Variants in PHKA2 observed in about 807,000 individuals in gnomAD.
The protein encoded by PHKA2 is phosphorylase kinase regulatory subunit alpha 2.
Under a neutral mutation model 102.0 loss-of-function variants are expected in PHKA2, and 31 were observed. The observed-to-expected ratio is 0.30, with a 90% CI of 0.23 to 0.41. The LOEUF (loss-of-function observed/expected upper bound fraction) is 0.41, where lower values mean the gene tolerates loss of function less well. Ranked by LOEUF, PHKA2 falls within the 10% of genes least tolerant of loss-of-function variation. The pLI, the probability that PHKA2 is intolerant of heterozygous loss-of-function variation, is 1.00. For synonymous variants in PHKA2, 455 were observed against 416.2 expected (o/e 1.09, Z -1.13); for missense variants, 858 against 1,023.1 (o/e 0.84, Z 2.20).
chrX:18,916,880 T>TC (rs753876667), intron 19 of PHKA2, among the ~76,000 whole-genome samples: 1 of 110,119 alleles, frequency 9.1e-6, no homozygotes, highest in East Asian at 2.8e-4. Context: ...TAATACATTT[T>TC]TTTTTTTTTT....
intron 11 of PHKA2, among the ~76,000 whole-genome samples, chrX:18,935,512 C>T (rs1202966649): frequency 9.0e-6 from 1 of 111,607 alleles, no homozygotes; most frequent in African/African-American, 3.3e-5. Flanking sequence ...TGAAGGTCTT[C>T]AACTGCTGCC....
In PHKA2 at chrX:18,979,526, A is replaced by G. The variant is rs954093942; in HGVS notation, c.78+4329T>C. Among the ~76,000 whole-genome samples, 132 of 112,174 alleles carry G rather than the reference A, an allele frequency of 1.2e-3. 1 individual carries two copies. The highest frequency in any genetic ancestry group is 3.8e-3 in the African/African-American group (119 of 30,970). On this transcript the variant is annotated intron_variant, in intron 1 of 32. Coordinates refer to ENST00000379942, the MANE Select transcript of PHKA2 (RefSeq NM_000292.3). The stretch of plus-strand genomic sequence containing the variant: ...TTAGTGAAAAAAATGTACAAAGTTC[A>G]TATTTCTTACCTGAGCCAAAACAAT...
At chrX:18,966,729 C>A (rs1006545610) in intron 1 of PHKA2, among the ~76,000 whole-genome samples, 1 of 111,837 alleles carries the variant, frequency 8.9e-6, no homozygotes, top group African/African-American at 3.3e-5. Context: ...AAAGACCAGA[C>A]AACCACCTGT....
intron 8 of PHKA2, 39 bp from the exon 9 acceptor site, chrX:18,940,087 T>C (rs770477625): frequency 1.6e-5 from 16 of 1,013,513 alleles, no homozygotes; most frequent in Admixed American, 2.2e-5. Context: ...TCAGAGAAAT[T>C]TTTTTGCCTT....
intron 9 of PHKA2, among the ~76,000 whole-genome samples, chrX:18,939,598 T>A (rs971398102): frequency 3.6e-5 from 4 of 112,084 alleles, no homozygotes; most frequent in Admixed American, 2.8e-4. Context: ...GGTTCACGCC[T>A]TTCTCCTGCC....
At chrX:18,901,722 T>A (rs1467818494) in intron 26 of PHKA2, 119 bp from the exon 27 acceptor site, 1 of 540,108 alleles carries the variant, frequency 1.9e-6, no homozygotes, top group Non-Finnish European at 3.3e-6. Flanking sequence ...GCCAGCGCTG[T>A]GTCTCCAGCA....
chrX:18,905,883 G>A (rs766019895), intron 25 of PHKA2, 24 bp from the exon 26 acceptor site: 2 of 1,092,672 alleles, frequency 1.8e-6, no homozygotes, highest in Admixed American at 4.4e-5. Flanking sequence ...TCTTGTAAGT[G>A]TCCCAAACAC....
At chrX:18,928,013 TAAAC>T (rs2048241948) in intron 13 of PHKA2, among the ~76,000 whole-genome samples, 1 of 112,165 alleles carries the variant, frequency 8.9e-6, no homozygotes, top group African/African-American at 3.2e-5. Flanking sequence ...ACTGTTCTAT[TAAAC>T]AAATGCTGGT....
intron 9 of PHKA2, among the ~76,000 whole-genome samples, chrX:18,939,648 C>T (rs947927975): frequency 1.6e-4 from 18 of 111,919 alleles, no homozygotes; most frequent in African/African-American, 5.5e-4. Flanking sequence ...TGCCCGCCAC[C>T]ACACCCGGCT....
chrX:18,984,095 C>T lies in PHKA2; in HGVS notation c.-163G>A. On this transcript the variant is annotated 5_prime_UTR_variant, in exon 1 of 33. Transcript: ENST00000379942. ...GTCGAGACTTTTCTAAACGCTAGCC[C>T]CAAAGTCCGGTTGGAAAGCAAGCCA... The T allele has an allele frequency of 2.1e-6, 1 of 481,442 alleles. No individual in the cohort carries two copies. The highest frequency in any genetic ancestry group is 3.7e-6 in the Non-Finnish European group (1 of 271,225). 39.7% of individuals were successfully genotyped at this position (481,442 alleles called of 1,213,427 possible).
At chrX:18,918,651 T>G in intron 19 of PHKA2, 30 bp downstream of exon 19, 13 of 1,173,817 alleles carry the variant, frequency 1.1e-5, no homozygotes, top group Non-Finnish European at 1.5e-5. Flanking sequence ...AGAAGGTATT[T>G]TAACAGGCAG....
chrX:18,983,052 A>G (rs2049198983), intron 1 of PHKA2, among the ~76,000 whole-genome samples: 1 of 112,277 alleles, frequency 8.9e-6, no homozygotes, highest in Non-Finnish European at 1.9e-5. Flanking sequence ...GGAAATGACC[A>G]TGGCTCCCAA....
intron 11 of PHKA2, among the ~76,000 whole-genome samples, chrX:18,933,037 C>T (rs1450479805): frequency 1.8e-5 from 2 of 109,965 alleles, no homozygotes; most frequent in Non-Finnish European, 3.8e-5. Flanking sequence ...TCACGTGAAC[C>T]TGAGAGGCAG....
intron 1 of PHKA2, among the ~76,000 whole-genome samples, chrX:18,959,041 A>T (rs1441378314): frequency 9.0e-6 from 1 of 111,701 alleles, no homozygotes; most frequent in Admixed American, 9.5e-5. Flanking sequence ...CTATTTCACC[A>T]TTTCTACCTA....
intron 26 of PHKA2, among the ~76,000 whole-genome samples, chrX:18,904,966 C>T (rs1016217549): frequency 1.8e-5 from 2 of 111,639 alleles, no homozygotes; most frequent in South Asian, 3.8e-4. Context: ...AGCAGGGTTC[C>T]GGTTCAGATA....
rs17856445 is a variant in PHKA2, at chrX:18,924,516, G to C, written c.1579C>G (p.Gln527Glu). ...TCGAGGGCCAGGTAGAAGTGATGCTGGTCGGTGAACTGAAAGTCAGAGGAG... is the reference window on the plus strand; with the variant it reads ...TCGAGGGCCAGGTAGAAGTGATGCTCGTCGGTGAACTGAAAGTCAGAGGAG... The part of the protein sequence containing the change: ...IFTFTPQFTD[Q>E]HHFYLALDNE... The change falls in exon 16 of 33, where the codon CAG (glutamine) becomes GAG (glutamate). Residue 527 changes from glutamine to glutamate, a missense_variant. Transcript: ENST00000379942. The C allele has an allele frequency of 3.9e-4, 468 of 1,209,141 alleles. No individual in the cohort carries two copies. Among genetic ancestry groups the C allele is most frequent in the Middle Eastern group, 6.9e-4 (3 of 4,350 alleles).
chrX:18,894,874 G>T, intron 31 of PHKA2: 1 of 423,784 alleles, frequency 2.4e-6, no homozygotes, highest in Non-Finnish European at 4.1e-6. Context: ...TCTTTCACCA[G>T]GGTTCTAAGG....
At chrX:18,970,020 G>A (rs945715995) in intron 1 of PHKA2, among the ~76,000 whole-genome samples, 2 of 110,620 alleles carry the variant, frequency 1.8e-5, no homozygotes, top group Non-Finnish European at 3.8e-5. Context: ...TGGGAGGATC[G>A]CTTAAGTCCA....
At chrX:18,967,236 G>C (rs1041024103) in intron 1 of PHKA2, among the ~76,000 whole-genome samples, 1 of 111,290 alleles carries the variant, frequency 9.0e-6, no homozygotes, top group Admixed American at 9.6e-5. Flanking sequence ...CTGTTACTAA[G>C]CACTGAGCAG....
Sources: allele counts gnomAD v4.1 joint callset (sites outside exome capture counted in the v4.1 genomes callset), GRCh38; gene constraint gnomAD v4.1.1; transcripts MANE v1.5; gene names NCBI Gene and HGNC (gene_info 2026-07-23, HGNC 2026-07-21).